TRIM14: variants seen among roughly 807,000 people sequenced by gnomAD.
TRIM14 encodes tripartite motif containing 14.
Under a neutral mutation model 44.5 loss-of-function variants are expected in TRIM14, and 28 were observed. The observed-to-expected ratio is 0.63, with a 90% CI of 0.47 to 0.86. The LOEUF (loss-of-function observed/expected upper bound fraction) is 0.86. TRIM14 is among the 40% of genes least tolerant of loss of function. The pLI is 0.00. For missense variants in TRIM14, 607 were observed against 611.1 expected (o/e 0.99, Z 0.07); for synonymous variants, 299 against 269.2 (o/e 1.11, Z -1.08).
At chr9:98,060,401 A>G in the TRIM14 span, among the ~76,000 whole-genome samples, 49,349 of 152,090 alleles carry the variant, frequency 0.32, 10,778 homozygotes, top group African/African-American at 0.62. Context: ...GGGCGCAGTG[A>G]CTCATGCCTG....
the TRIM14 span, among the ~76,000 whole-genome samples, chr9:98,041,688 C>T: frequency 6.7e-6 from 1 of 149,042 alleles, no homozygotes; most frequent in Non-Finnish European, 1.5e-5. Flanking sequence ...TTTTTGTTTT[C>T]GTTTTTTTTT....
downstream of TRIM14, chr9:98,080,807 A>T (rs1455470888): frequency 6.4e-7 from 1 of 1,558,754 alleles, no homozygotes; most frequent in South Asian, 1.2e-5. Context: ...TTCTTTTTCC[A>T]TTTTAAAGGA....
intron 4 of TRIM14, 27 bp from the exon 5 acceptor site, chr9:98,092,028 G>C (rs369115179): frequency 6.4e-7 from 1 of 1,552,444 alleles, no homozygotes; most frequent in Non-Finnish European, 8.8e-7. Context: ...AGAAATGAGC[G>C]CCCGGAGCTT....
At chr9:98,098,438 G>A (rs1228931418) in intron 3 of TRIM14, among the ~76,000 whole-genome samples, 2 of 152,066 alleles carry the variant, frequency 1.3e-5, no homozygotes, top group South Asian at 2.1e-4. Context: ...TCGGCCGGGT[G>A]CGGTGGCTCA....
At chr9:98,083,870 A>C (rs1829998769), downstream of TRIM14, among the ~76,000 whole-genome samples, 2 of 152,244 alleles carry the variant, frequency 1.3e-5, no homozygotes, top group South Asian at 4.1e-4. Flanking sequence ...TCAAGCTATA[A>C]TACGATCTTG....
At chr9:98,113,689 A>T (rs997949784) in intron 1 of TRIM14, among the ~76,000 whole-genome samples, 2 of 152,194 alleles carry the variant, frequency 1.3e-5, no homozygotes, top group African/African-American at 2.4e-5. Flanking sequence ...TTTGAATAAA[A>T]ATGTAATGTA....
At chr9:98,103,192 A>AAAC (rs201659753) in intron 2 of TRIM14, among the ~76,000 whole-genome samples, 1,608 of 152,152 alleles carry the variant, frequency 0.011, 24 homozygotes, top group African/African-American at 0.036. Flanking sequence ...CTCCAAAAAC[A>AAAC]AACAACAACA....
chr9:98,048,064 CAAA>C, the TRIM14 span, among the ~76,000 whole-genome samples: 2 of 107,510 alleles, frequency 1.9e-5, no homozygotes, highest in Non-Finnish European at 2.1e-5. Context: ...GACTCCTTCT[CAAA>C]AAAAAAAAAA....
downstream of TRIM14, among the ~76,000 whole-genome samples, chr9:98,064,352 C>A (rs1304131779): frequency 6.6e-6 from 1 of 152,048 alleles, no homozygotes; most frequent in African/African-American, 2.4e-5. Flanking sequence ...CTCCCGGGTT[C>A]AAGTTATTCT....
At chr9:98,116,656 G>C (rs112061194) in intron 1 of TRIM14, among the ~76,000 whole-genome samples, 1 of 151,830 alleles carries the variant, frequency 6.6e-6, no homozygotes, top group South Asian at 2.1e-4. Context: ...GGACAACATG[G>C]TGAAACCCCG....
At chr9:98,104,597 G>A (rs979680544) in intron 2 of TRIM14, among the ~76,000 whole-genome samples, 1 of 152,154 alleles carries the variant, frequency 6.6e-6, no homozygotes, top group Non-Finnish European at 1.5e-5. Flanking sequence ...AAATAAGGAA[G>A]TACGCCATCT....
At chr9:98,109,015 C>G (rs1460098121) in intron 2 of TRIM14, among the ~76,000 whole-genome samples, 1 of 151,608 alleles carries the variant, frequency 6.6e-6, no homozygotes, top group South Asian at 2.1e-4. Context: ...ACAGCTGGGA[C>G]TGCAGGCGTG....
At chr9:98,094,364 G>A (rs973269209) in intron 4 of TRIM14, among the ~76,000 whole-genome samples, 3 of 152,170 alleles carry the variant, frequency 2.0e-5, no homozygotes, top group African/African-American at 7.2e-5. Context: ...GGCAAGGAGG[G>A]GGGTCCATGT....
the TRIM14 span, among the ~76,000 whole-genome samples, chr9:98,062,680 T>C: frequency 6.6e-6 from 1 of 151,984 alleles, no homozygotes; most frequent in African/African-American, 2.4e-5. Context: ...CCCCACCTTA[T>C]GCTTAAAGAT....
chr9:98,112,868 C>T (rs1293858789), intron 1 of TRIM14, among the ~76,000 whole-genome samples: 1 of 148,630 alleles, frequency 6.7e-6, no homozygotes, highest in Admixed American at 6.8e-5. Flanking sequence ...AATCCCACCA[C>T]TTTAGGAGGC....
downstream of TRIM14, among the ~76,000 whole-genome samples, chr9:98,079,769 G>A (rs1348332434): frequency 6.6e-6 from 1 of 152,136 alleles, no homozygotes; most frequent in Non-Finnish European, 1.5e-5. Context: ...ACTACACATT[G>A]CAGGAGTTAT....
chr9:98,074,049 G>A (rs913207739), intron 6 of TRIM14, among the ~76,000 whole-genome samples: 2 of 152,192 alleles, frequency 1.3e-5, no homozygotes, highest in Non-Finnish European at 2.9e-5. Context: ...GCCTCCCAAA[G>A]TGCTGGGATT....
intron 5 of TRIM14, among the ~76,000 whole-genome samples, chr9:98,089,219 C>T (rs1033054035): frequency 2.0e-5 from 3 of 151,896 alleles, no homozygotes; most frequent in African/African-American, 2.4e-5. Context: ...TCTTGTTGCC[C>T]GGGCTGGAGT....
At chr9:98,102,478 C>T (rs1460947247) in intron 2 of TRIM14, among the ~76,000 whole-genome samples, 1 of 152,122 alleles carries the variant, frequency 6.6e-6, no homozygotes. Context: ...TACATTCGTA[C>T]AATGAAATAA....
Sources: allele counts gnomAD v4.1 joint callset (sites outside exome capture counted in the v4.1 genomes callset), GRCh38; gene constraint gnomAD v4.1.1; transcripts MANE v1.5; gene names NCBI Gene and HGNC (gene_info 2026-07-23, HGNC 2026-07-21).